The following DOCK7 variants were observed in gnomAD, a reference collection of about 807,000 sequenced individuals.
The protein encoded by DOCK7 is dedicator of cytokinesis 7.
DOCK7 carries 138 observed loss-of-function variants against 271.0 expected under a neutral mutation model. The observed-to-expected ratio is 0.51, with a 90% CI of 0.44 to 0.59. DOCK7 has a LOEUF of 0.59. DOCK7 is among the 20% of genes least tolerant of loss of function. The pLI, the probability that DOCK7 is intolerant of heterozygous loss-of-function variation, is 0.00. For synonymous variants in DOCK7, 823 were observed against 876.1 expected (o/e 0.94, Z 1.07); for missense variants, 2,066 against 2,592.4 (o/e 0.80, Z 4.41).
intron 27 of DOCK7, 45 bp downstream of exon 27, chr1:62,539,497 ATAG>A: frequency 6.9e-7 from 1 of 1,456,970 alleles, no homozygotes; most frequent in Non-Finnish European, 9.4e-7. Flanking sequence ...AAGAACTAAC[ATAG>A]TATTTAAATT....
Position 62,513,525 on chromosome 1 carries a change from G to A in DOCK7, c.4201C>T (p.Leu1401Phe), listed in dbSNP as rs2149340268. 1 of 1,614,152 alleles carries A rather than the reference G, an allele frequency of 6.2e-7. No individual in the cohort carries two copies. The highest frequency in any genetic ancestry group is 8.5e-7 in the Non-Finnish European group (1 of 1,180,010). The part of the protein sequence containing the change: ...DMRAKLEEAI[L>F]GSIGARQEMV... The stretch of plus-strand genomic sequence containing the variant: ...TCTTGCCTGGCACCTATGCTCCCAA[G>A]AATAGCTTCTTCAAGCTTTGCTCTC... Residue 1401 changes from leucine to phenylalanine, a missense_variant, in exon 33 of 50, where the codon CTT becomes TTT. Physicochemically the swap from Leu to Phe is conservative, Grantham distance 22. Coordinates refer to ENST00000635253, the MANE Select transcript of DOCK7 (RefSeq NM_001367561.1).
intron 21 of DOCK7, 71 bp downstream of exon 21, chr1:62,555,754 A>T (rs1646119612): frequency 6.6e-7 from 1 of 1,517,158 alleles, no homozygotes; most frequent in Non-Finnish European, 8.9e-7. Context: ...TATGGACTAC[A>T]AAATTATCTC....
At chr1:62,558,958 C>A in intron 20 of DOCK7, 31 bp downstream of exon 20, 1 of 1,499,702 alleles carries the variant, frequency 6.7e-7, no homozygotes, top group Non-Finnish European at 9.1e-7. Context: ...TTATAAATTT[C>A]ACGTCTCATC....
At chr1:62,496,601 A>G in intron 37 of DOCK7, 104 bp from the exon 38 acceptor site, 1 of 1,077,308 alleles carries the variant, frequency 9.3e-7, no homozygotes, top group Middle Eastern at 2.9e-4. Context: ...ATACCATTCT[A>G]AGCAAAATAT....
At chr1:62,483,193 T>TGGG (rs1243951496) in intron 43 of DOCK7, 1 of 88,296 alleles carries the variant, frequency 1.1e-5, no homozygotes, top group African/African-American at 5.1e-5. Context: ...TTTTTTTTTT[T>TGGG]TTTTTTTTTT....
At chr1:62,527,986 CTGTT>C (rs1050156334) in intron 31 of DOCK7, among the ~76,000 whole-genome samples, 161 bp downstream of exon 31, 2 of 151,196 alleles carry the variant, frequency 1.3e-5, no homozygotes, top group African/African-American at 4.9e-5. Flanking sequence ...TTTTTTAAAA[CTGTT>C]TGGGAGAAGA....
chr1:62,458,270 G>C (rs545673921), intron 48 of DOCK7: 2 of 152,388 alleles, frequency 1.3e-5, no homozygotes, highest in East Asian at 1.9e-4. Context: ...TATTCACCAT[G>C]ATGAGGACAT....
intron 22 of DOCK7, among the ~76,000 whole-genome samples, chr1:62,551,475 G>C (rs987045600): frequency 3.9e-5 from 6 of 152,114 alleles, no homozygotes; most frequent in Non-Finnish European, 8.8e-5. Flanking sequence ...TTGAACAAGT[G>C]TGATATAAGG....
At chr1:62,486,666 T>C (rs1646303210) in intron 43 of DOCK7, 1 of 152,036 alleles carries the variant, frequency 6.6e-6, no homozygotes, top group Non-Finnish European at 1.5e-5. Flanking sequence ...AAACAATATA[T>C]CAAATGCTGT....
intron 29 of DOCK7, among the ~76,000 whole-genome samples, chr1:62,531,910 G>C (rs1645185735): frequency 6.6e-6 from 1 of 152,210 alleles, no homozygotes; most frequent in Admixed American, 6.5e-5. Flanking sequence ...AGAAAGACAA[G>C]GTGCCTGTTC....
chr1:62,582,175 G>A (rs1262485094), intron 16 of DOCK7, among the ~76,000 whole-genome samples: 1 of 152,178 alleles, frequency 6.6e-6, no homozygotes, highest in Non-Finnish European at 1.5e-5. Context: ...AATGCTGAGA[G>A]TAAAGCACAT....
intron 4 of DOCK7, among the ~76,000 whole-genome samples, chr1:62,651,862 C>T (rs1035668474): frequency 5.3e-5 from 8 of 152,016 alleles, no homozygotes; most frequent in African/African-American, 1.9e-4. Flanking sequence ...TGGGTTCTAT[C>T]TTAATTTTTT....
intron 14 of DOCK7, among the ~76,000 whole-genome samples, chr1:62,606,370 G>C (rs1401948418): frequency 6.7e-6 from 1 of 150,248 alleles, no homozygotes; most frequent in Non-Finnish European, 1.5e-5. Context: ...TTCAGGAGTA[G>C]TAAATTAGAC....
intron 1 of DOCK7, among the ~76,000 whole-genome samples, chr1:62,664,782 T>TA (rs10710205): frequency 1.0e-3 from 141 of 137,268 alleles, no homozygotes; most frequent in Middle Eastern, 3.6e-3. Context: ...TCTACTAGTT[T>TA]AAAAAAAAAA....
At chr1:62,659,862 AATGTGT>A (rs1658462826) in intron 2 of DOCK7, among the ~76,000 whole-genome samples, 2 of 152,202 alleles carry the variant, frequency 1.3e-5, no homozygotes, top group African/African-American at 4.8e-5. Context: ...AGCAATCTTA[AATGTGT>A]ATGTACTAAA....
chr1:62,508,080 AATTAT>A, intron 34 of DOCK7, 22 bp from the exon 35 acceptor site: 1 of 1,564,472 alleles, frequency 6.4e-7, no homozygotes, highest in Non-Finnish European at 8.6e-7. Flanking sequence ...TATTGTAAGA[AATTAT>A]ATTTATCTTT....
intron 41 of DOCK7, among the ~76,000 whole-genome samples, chr1:62,489,747 C>A (rs546290263): frequency 3.9e-5 from 6 of 152,276 alleles, no homozygotes; most frequent in African/African-American, 1.4e-4. Flanking sequence ...TGCTTATAAT[C>A]TTTTGCAAAA....
chr1:62,614,066 T>G (rs1384466909), intron 14 of DOCK7, among the ~76,000 whole-genome samples: 1 of 152,086 alleles, frequency 6.6e-6, no homozygotes, highest in Non-Finnish European at 1.5e-5. Flanking sequence ...AATATTTGTA[T>G]AGTGACCACT....
At chr1:62,633,431 G>T in intron 10 of DOCK7, 67 bp downstream of exon 10, 2 of 1,211,640 alleles carry the variant, frequency 1.7e-6, no homozygotes, top group Admixed American at 1.9e-5. Flanking sequence ...AATGCTATTG[G>T]GAGAATAGTA....
Sources: gnomAD v4.1 joint callset for allele counts (sites outside exome capture counted in the v4.1 genomes callset) on GRCh38, gnomAD v4.1.1 for gene constraint, MANE v1.5 for transcripts, NCBI Gene and HGNC (gene_info 2026-07-23, HGNC 2026-07-21) for gene names.